The following WBP11 variants were observed in gnomAD, a reference collection of about 807,000 sequenced individuals.
WBP11 encodes WW domain binding protein 11.
In WBP11, 12 loss-of-function variants were observed where a neutral mutation model predicts 66.7. That is an observed-to-expected ratio of 0.18 (90% CI 0.12 to 0.29). The LOEUF (loss-of-function observed/expected upper bound fraction) is 0.29. WBP11 is among the 10% of genes least tolerant of loss of function. WBP11 has a pLI of 1.00. For missense variants in WBP11, 555 were observed against 818.3 expected (o/e 0.68, Z 3.93); for synonymous variants, 255 against 273.8 (o/e 0.93, Z 0.68).
chr12:14,795,127 A>G, intron 5 of WBP11, 23 bp from the exon 6 acceptor site: 1 of 1,543,874 alleles, frequency 6.5e-7, no homozygotes. Context: ...ACCATTCAGT[A>G]GTATGATAAA....
In WBP11 at chr12:14,787,263, A is replaced by G. The variant is rs1244292736; in HGVS notation, c.1728T>C (p.Thr576=). 1 of 1,614,188 alleles carries G rather than the reference A, an allele frequency of 6.2e-7. No individual in the cohort carries two copies. The highest frequency in any genetic ancestry group is 2.2e-5 in the East Asian group (1 of 44,874). Reference sequence around the variant, plus strand: ...CTCTCAGTGCAGTGGGCACAAATCGAGTAATCTCTGCCTTGGGATTAGTGA... The same window carrying G: ...CTCTCAGTGCAGTGGGCACAAATCGGGTAATCTCTGCCTTGGGATTAGTGA... ...PQITNPKAEI[T]RFVPTALRVR... is the part of the protein sequence containing the mutation. Residue 576 remains threonine, a synonymous_variant, in exon 12 of 12, where the codon ACT becomes ACC. Transcript: ENST00000261167.
chr12:14,801,175 A>C, intron 2 of WBP11, 145 bp downstream of exon 2: 3 of 685,828 alleles, frequency 4.4e-6, no homozygotes, highest in Non-Finnish European at 7.3e-6. Context: ...TTAAAGTCTT[A>C]ATGTGCCCAT....
At chr12:14,799,812 A>G in intron 3 of WBP11, 84 bp from the exon 4 acceptor site, 4 of 1,302,820 alleles carry the variant, frequency 3.1e-6, no homozygotes, top group Non-Finnish European at 3.1e-6. Flanking sequence ...TAAACAGAAT[A>G]ACTCCTTGGC....
chr12:14,799,802 T>C, intron 3 of WBP11, 74 bp from the exon 4 acceptor site: 1 of 1,377,826 alleles, frequency 7.3e-7, no homozygotes, highest in Non-Finnish European at 1.0e-6. Flanking sequence ...TTTAAGAATC[T>C]AAACAGAATA....
intron 3 of WBP11, among the ~76,000 whole-genome samples, chr12:14,800,134 T>G (rs1429776063): frequency 6.6e-6 from 1 of 152,094 alleles, no homozygotes. Flanking sequence ...ATTTAAAAAT[T>G]TTGCAGGAGT....
intron 5 of WBP11, 137 bp from the exon 6 acceptor site, chr12:14,795,241 T>A (rs1949878215): frequency 3.2e-6 from 3 of 941,008 alleles, no homozygotes. Context: ...CCCAGAAAAA[T>A]AACCTTACGT....
In WBP11 at chr12:14,790,505, T is replaced by C; in HGVS notation, c.1260A>G (p.Pro420=). The C allele has an allele frequency of 6.2e-7, 1 of 1,613,992 alleles. No individual in the cohort carries two copies. Among genetic ancestry groups the C allele is most frequent in the Non-Finnish European group, 8.5e-7 (1 of 1,179,858 alleles). ...CTGTAGGTGGCCCAGGAGGCCGTAA[T>C]GGTGGAGCAGGTGGTGGTCCAAGAG... The part of the protein sequence containing the change: ...PPPLGPPPAP[P]LRPPGPPTGL... Residue 420 remains proline (P), a synonymous_variant, in exon 10 of 12, where the codon CCA becomes CCG. Coordinates refer to ENST00000261167, the MANE Select transcript of WBP11 (RefSeq NM_016312.3).
In WBP11 at chr12:14,799,661, C is replaced by T. The variant is rs1030649625; in HGVS notation, c.164G>A (p.Arg55Gln). The change falls in exon 4 of 12, where the codon CGA (arginine) becomes CAA (glutamine). Residue 55 changes from arginine to glutamine, a missense_variant. Physicochemically the swap from Arg to Gln is conservative, Grantham distance 43 (BLOSUM62 1). Around this residue, in one of 6 missense-constraint regions of WBP11, gnomAD observed 43 missense variants for 142.1 expected, o/e 0.30. Transcript: ENST00000261167. ...LKMKDPKQII[R>Q]DMEKLDEMEF... ...CATTTCATCCAATTTCTCCATGTCT[C>T]GGATTATCTGTTTTGGATCCTTCAT... The T allele has an allele frequency of 3.7e-6, 6 of 1,613,294 alleles. No homozygotes were observed. Among genetic ancestry groups the T allele is most frequent in the Middle Eastern group, 1.7e-4 (1 of 6,014 alleles).
chr12:14,794,467 G>T, intron 7 of WBP11, 70 bp downstream of exon 7: 1 of 1,552,464 alleles, frequency 6.4e-7, no homozygotes, highest in South Asian at 1.1e-5. Flanking sequence ...TGAGGGTGGT[G>T]AACAATATGT....
In WBP11 at chr12:14,785,617, A is replaced by G. The variant is rs1463835741; in HGVS notation, c.*1448T>C. On this transcript the variant is annotated 3_prime_UTR_variant, in exon 12 of 12. Coordinates refer to ENST00000261167, the MANE Select transcript of WBP11 (RefSeq NM_016312.3). ...ATCTTCCAAGCAAAGCCAAACAAAC[A>G]AAAGATCTTGAATAAAAATCTAAAA... 6.6e-6 allele frequency: 1 copy of G among 152,232 alleles called. No individual in the cohort carries two copies. Among genetic ancestry groups the G allele is most frequent in the African/African-American group, 2.4e-5 (1 of 41,468 alleles). The allele number at this position is 152,232 out of a possible 1,614,324, so 9.4% of individuals were successfully genotyped here.
chr12:14,801,535 G>A, intron 1 of WBP11, 107 bp from the exon 2 acceptor site: 1 of 650,004 alleles, frequency 1.5e-6, no homozygotes, highest in Non-Finnish European at 2.6e-6. Context: ...TAGAAATTCT[G>A]TGAGACTGTT....
chr12:14,797,681 CA>C (rs2137239188), intron 4 of WBP11, among the ~76,000 whole-genome samples: 1 of 152,272 alleles, frequency 6.6e-6, no homozygotes, highest in South Asian at 2.1e-4. Context: ...GCACATGATC[CA>C]AACTGGGACC....
At position 14,787,547 on chromosome 12, in the gene WBP11, T is replaced by G. The variant is rs1592214351; in HGVS notation, c.1493-49A>C. The G allele has an allele frequency of 3.6e-6, 5 of 1,408,268 alleles. 1 individual carries two copies. The African/African-American group carries it at 7.1e-5, about 20-fold the overall frequency. The allele number at this position is 1,408,268 out of a possible 1,614,324, so 87.2% of individuals were successfully genotyped here. A position where few individuals can be genotyped will look rare whatever the true frequency, so the allele number is the denominator to read the frequency against. ...TGAATACTGTAAGAACTAATAAAAT[T>G]TAACTACTATTAAGGACATTTAAAT... On this transcript the variant is annotated intron_variant, in intron 11 of 11. Transcript: ENST00000261167.
At chr12:14,800,012 C>T (rs530763677) in intron 3 of WBP11, among the ~76,000 whole-genome samples, 1 of 151,896 alleles carries the variant, frequency 6.6e-6, no homozygotes, top group Admixed American at 6.6e-5. Context: ...TTTTTTAACC[C>T]CTTATGTTCT....
chr12:14,799,545 T>G, intron 4 of WBP11, 90 bp downstream of exon 4: 1 of 1,187,436 alleles, frequency 8.4e-7, no homozygotes, highest in African/African-American at 1.6e-5. Context: ...CATGCTGTTC[T>G]GTTTTACTTA....
At chr12:14,787,600 A>G (rs1949768587) in intron 11 of WBP11, 102 bp from the exon 12 acceptor site, 2 of 1,066,934 alleles carry the variant, frequency 1.9e-6, no homozygotes, top group Non-Finnish European at 2.5e-6. Flanking sequence ...AAATAAATGG[A>G]TAACAACTTA....
rs750599297 is a variant in WBP11 at position 14,787,375 on chromosome 12, T to C, written c.1616A>G (p.Asn539Ser). 5.0e-6 allele frequency: 8 copies of C among 1,603,574 alleles called. No homozygotes were observed. The South Asian group carries it at 6.7e-5, about 13-fold the overall frequency. ...PNPGVLSAPP[N>S]LIQRPKADDT... ...ATCCGCCTTGGGTCGCTGAATCAAG[T>C]TGGGTGGGGCACTTAAAACCCCAGG... The change falls in exon 12 of 12, where the codon AAC (asparagine) becomes AGC (serine). Residue 539 changes from asparagine (N) to serine (S), a missense_variant. Physicochemically the swap from Asn to Ser is conservative, Grantham distance 46 (BLOSUM62 1). Coordinates refer to ENST00000261167, the MANE Select transcript of WBP11 (RefSeq NM_016312.3).
chr12:14,794,426 CAT>C (rs1311645950), intron 7 of WBP11, 109 bp downstream of exon 7: 1 of 1,183,922 alleles, frequency 8.4e-7, no homozygotes, highest in African/African-American at 1.5e-5. Flanking sequence ...TAGTTATGTA[CAT>C]GATACCCTCT....
At position 14,784,584 on chromosome 12, in the gene WBP11, T is replaced by C. The variant is rs1186743731; in HGVS notation, c.*2481A>G. 6.6e-6 allele frequency: 1 copy of C among 152,144 alleles called. No individual in the cohort carries two copies. The highest frequency in any genetic ancestry group is 1.5e-5 in the Non-Finnish European group (1 of 68,022). 9.4% of individuals were successfully genotyped at this position (152,144 alleles called of 1,614,324 possible). On this transcript the variant is annotated 3_prime_UTR_variant, in exon 12 of 12. Coordinates refer to ENST00000261167, the MANE Select transcript of WBP11 (RefSeq NM_016312.3). Reference sequence around the variant, plus strand: ...ACTTATAAATAACCCTTCCCAGCTATATATAAGGAGATATTTTAATCAAGA... The same window carrying C: ...ACTTATAAATAACCCTTCCCAGCTACATATAAGGAGATATTTTAATCAAGA...
Sources: allele counts gnomAD v4.1 joint callset (sites outside exome capture counted in the v4.1 genomes callset), GRCh38; gene constraint gnomAD v4.1.1; regional missense constraint gnomAD v4.1.1; transcripts MANE v1.5; gene names NCBI Gene and HGNC (gene_info 2026-07-23, HGNC 2026-07-21).